The following MACROD1 variants were observed in gnomAD, a reference collection of about 807,000 sequenced individuals.
The protein encoded by MACROD1 is ADP-ribose glycohydrolase MACROD1.
MACROD1 carries 31 observed loss-of-function variants against 41.4 expected under a neutral mutation model. That is an observed-to-expected ratio of 0.75 (90% CI 0.56 to 1.01). MACROD1 has a LOEUF of 1.01. Among genes scored for constraint, MACROD1 ranks in the 50% least tolerant of loss-of-function variants. The probability of loss-of-function intolerance (pLI) is 0.00; values close to 1 mark genes in which losing one functional copy is unlikely to be tolerated. For missense variants in MACROD1, 473 were observed against 460.0 expected (o/e 1.03, Z -0.26); for synonymous variants, 252 against 203.4 (o/e 1.24, Z -2.03).
intron 3 of MACROD1, among the ~76,000 whole-genome samples, chr11:64,057,459 T>C (rs1273136878): frequency 1.3e-5 from 2 of 151,980 alleles, no homozygotes; most frequent in Non-Finnish European, 2.9e-5. Flanking sequence ...CCAGACCCAG[T>C]CCCTCCCCTC....
rs547352081 is a variant in MACROD1 at position 64,039,486 on chromosome 11, C to T, written c.518-24205G>A. ...CAAAGTTCAGGCTCTGGCTGGCCCA[C>T]GAGGCAGCTGCATTCTGTCCTCTGC... On this transcript the variant is annotated intron_variant, in intron 3 of 10. Transcript: ENST00000255681. Among the ~76,000 whole-genome samples the T allele has an allele frequency of 2.2e-4, 34 of 152,272 alleles. No individual in the cohort carries two copies. The East Asian group carries it at 5.8e-3, about 26-fold the overall frequency.
intron 3 of MACROD1, among the ~76,000 whole-genome samples, chr11:64,068,722 G>C (rs946888223): frequency 5.9e-5 from 9 of 152,242 alleles, no homozygotes; most frequent in African/African-American, 2.2e-4. Flanking sequence ...GGGCAGAGAA[G>C]CTGCAGCTGG....
chr11:64,014,864 C>T (rs1003570508), intron 4 of MACROD1, among the ~76,000 whole-genome samples: 7 of 152,184 alleles, frequency 4.6e-5, no homozygotes, highest in Non-Finnish European at 8.8e-5. Context: ...GTCCTGGCTG[C>T]GGAGCCCGAG....
intron 3 of MACROD1, among the ~76,000 whole-genome samples, chr11:64,089,969 G>A (rs1023392782): frequency 2.6e-4 from 39 of 152,214 alleles, no homozygotes; most frequent in African/African-American, 8.9e-4. Flanking sequence ...GATTGGATAA[G>A]ATGGCGTCTT....
rs541161807 is a variant in MACROD1 at position 64,132,526 on chromosome 11, G to A, written c.517+18713C>T. Among the ~76,000 whole-genome samples, 231 of 152,290 alleles carry A rather than the reference G, an allele frequency of 1.5e-3. 1 individual carries two copies. Among genetic ancestry groups the A allele is most frequent in the Non-Finnish European group, 2.8e-3 (191 of 68,022 alleles). On this transcript the variant is annotated intron_variant, in intron 3 of 10. Coordinates refer to ENST00000255681, the MANE Select transcript of MACROD1 (RefSeq NM_014067.4). ...GGGCTTCAGGGCAGTTGCCAGGGAC[G>A]GGCGGGTCCTGAGCAGGCCCTCCCC...
chr11:64,121,828 TG>T (rs753873790), intron 3 of MACROD1, among the ~76,000 whole-genome samples: 2 of 152,174 alleles, frequency 1.3e-5, no homozygotes, highest in African/African-American at 4.8e-5. Flanking sequence ...GTACGTTTTG[TG>T]GCATTTAAGG....
chr11:64,148,755 A>G (rs1945532355), intron 3 of MACROD1: 1 of 985,658 alleles, frequency 1.0e-6, no homozygotes, highest in African/African-American at 1.7e-5. Flanking sequence ...GCCGTTGCCA[A>G]CGACTTTTAT....
chr11:64,140,477 AGGATAGAG>A (rs1006045648), intron 3 of MACROD1, among the ~76,000 whole-genome samples: 1 of 152,224 alleles, frequency 6.6e-6, no homozygotes, highest in African/African-American at 2.4e-5. Context: ...CAGCCTGTTC[AGGATAGAG>A]GGACCATTCC....
chr11:64,155,039 C>A lies in MACROD1; in HGVS notation c.299-2646G>T, dbSNP rs373473358. ...GGCCCCCTTTCTTGATCTTGGCCAT[C>A]TTGACCTGTAGGTTCCATAGGGGAT... On this transcript the variant is annotated intron_variant, in intron 1 of 10. Coordinates refer to ENST00000255681, the MANE Select transcript of MACROD1 (RefSeq NM_014067.4). Among the ~76,000 whole-genome samples the A allele has an allele frequency of 4.6e-5, 7 of 152,262 alleles. No individual in the cohort carries two copies. In the East Asian group the frequency reaches 1.2e-3, roughly 25 times the overall value.
chr11:64,085,566 G>A (rs953090995), intron 3 of MACROD1, among the ~76,000 whole-genome samples: 3 of 152,160 alleles, frequency 2.0e-5, no homozygotes, highest in East Asian at 1.9e-4. Flanking sequence ...GTCCCCTGCC[G>A]CCCGCCCGGG....
At chr11:64,022,677 T>C (rs181932783) in intron 3 of MACROD1, among the ~76,000 whole-genome samples, 5 of 152,296 alleles carry the variant, frequency 3.3e-5, no homozygotes, top group Admixed American at 1.3e-4. Flanking sequence ...GTGAGAGCAG[T>C]TGCTTGTTTG....
At chr11:64,149,294 C>T (rs565623761) in intron 3 of MACROD1, among the ~76,000 whole-genome samples, 92 of 152,288 alleles carry the variant, frequency 6.0e-4, no homozygotes, top group Non-Finnish European at 1.1e-3. Flanking sequence ...AGTAACCTGA[C>T]GGGTGGTTTC....
At position 64,001,186 on chromosome 11, in the gene MACROD1, A is replaced by G. The variant is rs1942819710; in HGVS notation, c.548-843T>C. 6 of 556,154 alleles carry G rather than the reference A, an allele frequency of 1.1e-5. No homozygotes were observed. The East Asian group carries it at 1.8e-4, about 17-fold the overall frequency. The allele number at this position is 556,154 out of a possible 1,614,324, so 34.5% of individuals were successfully genotyped here. A position where few individuals can be genotyped will look rare whatever the true frequency, so the allele number is the denominator to read the frequency against. Reference sequence around the variant, plus strand: ...CAACCTCGCCAGGGCACCGCGCAGGAGAGGCGCGGCCTCAGGCAGGCCTGG... The same window carrying G: ...CAACCTCGCCAGGGCACCGCGCAGGGGAGGCGCGGCCTCAGGCAGGCCTGG... On this transcript the variant is annotated intron_variant, in intron 4 of 10. Coordinates refer to ENST00000255681, the MANE Select transcript of MACROD1 (RefSeq NM_014067.4).
intron 3 of MACROD1, among the ~76,000 whole-genome samples, chr11:64,110,108 T>C (rs1944833948): frequency 6.6e-6 from 1 of 152,050 alleles, no homozygotes. Flanking sequence ...ACCACATTTA[T>C]AGATGAGGAA....
rs1223045839 is a variant in MACROD1, at chr11:64,000,234, C to T, written c.657G>A (p.Pro219=). The change falls in exon 5 of 11, where the codon CCG becomes CCA. Residue 219 remains proline (P), a synonymous_variant. Transcript: ENST00000255681. ...GGCGCGTCGGGGACTCACACTTGGCCGGGAGCCGATAGCCGCCGGTGATCT... is the reference window on the plus strand; with the variant it reads ...GGCGCGTCGGGGACTCACACTTGGCTGGGAGCCGATAGCCGCCGGTGATCT... ...KAKITGGYRL[P]AKYVIHTVGP... The T allele has an allele frequency of 2.5e-6, 4 of 1,603,766 alleles. No individual in the cohort carries two copies. The highest frequency in any genetic ancestry group is 2.5e-6 in the Non-Finnish European group (3 of 1,176,478).
chr11:64,016,520 T>G (rs1307517089), intron 3 of MACROD1, among the ~76,000 whole-genome samples: 1 of 152,256 alleles, frequency 6.6e-6, no homozygotes, highest in Non-Finnish European at 1.5e-5. Flanking sequence ...GACACAGAGC[T>G]GAGCTGGGTG....
chr11:64,057,239 G>T (rs940577162), intron 3 of MACROD1, among the ~76,000 whole-genome samples: 1 of 152,230 alleles, frequency 6.6e-6, no homozygotes, highest in Non-Finnish European at 1.5e-5. Context: ...GGGGCTGAAC[G>T]TAGGGGACGG....
chr11:64,094,362 C>T (rs1018603767), intron 3 of MACROD1, among the ~76,000 whole-genome samples: 1 of 151,440 alleles, frequency 6.6e-6, no homozygotes, highest in Non-Finnish European at 1.5e-5. Flanking sequence ...ACCCAGGAGG[C>T]GGAGGTTGCA....
At position 64,138,581 on chromosome 11, in the gene MACROD1, G is replaced by A. The variant is rs939602013; in HGVS notation, c.517+12658C>T. 14 of 984,550 alleles carry A rather than the reference G, an allele frequency of 1.4e-5. No homozygotes were observed. The East Asian group carries it at 4.5e-4, about 32-fold the overall frequency. The allele number at this position is 984,550 out of a possible 1,614,324, so 61.0% of individuals were successfully genotyped here. ...CAGGCGGCAATAATAAAACAGCCGC[G>A]GGCCCTGCTGGCAGAGGAATGGCTG... On this transcript the variant is annotated intron_variant, in intron 3 of 10. Coordinates refer to ENST00000255681, the MANE Select transcript of MACROD1 (RefSeq NM_014067.4).
Sources: allele counts gnomAD v4.1 joint callset (sites outside exome capture counted in the v4.1 genomes callset), GRCh38; gene constraint gnomAD v4.1.1; transcripts MANE v1.5; gene names NCBI Gene and HGNC (gene_info 2026-07-23, HGNC 2026-07-21).